KPNA7: variants seen among roughly 807,000 people sequenced by gnomAD.
The protein encoded by KPNA7 is karyopherin subunit alpha 7.
Under a neutral mutation model 53.7 loss-of-function variants are expected in KPNA7, and 54 were observed. The observed-to-expected ratio is 1.01, with a 90% CI of 0.81 to 1.26. KPNA7 has a LOEUF of 1.26. KPNA7 is among the 50% of genes most tolerant of loss of function. The pLI is 0.00. For missense variants in KPNA7, 640 were observed against 644.5 expected (o/e 0.99, Z 0.07); for synonymous variants, 276 against 259.3 (o/e 1.06, Z -0.62).
At chr7:99,157,458 C>A in the KPNA7 span, among the ~76,000 whole-genome samples, 1 of 152,212 alleles carries the variant, frequency 6.6e-6, no homozygotes, top group Non-Finnish European at 1.5e-5. Flanking sequence ...ATCCACCTGC[C>A]TTGGCCTCTC....
Position 99,178,100 on chromosome 7 carries a change from G to C in KPNA7, c.1318-34C>G, listed in dbSNP as rs751549812. ...AAGTACAAGGGGACATGAGACCCCC[G>C]GCAGGAGCCTTTGGGGGATAGGGAC... is the stretch of plus-strand genomic sequence containing the variant. On this transcript the variant is annotated intron_variant, in intron 9 of 10. Transcript: ENST00000327442. The C allele has an allele frequency of 4.5e-6, 7 of 1,544,760 alleles. No homozygotes were observed. The South Asian group carries it at 6.0e-5, about 13-fold the overall frequency.
rs149967769 is a variant in KPNA7, at chr7:99,201,220, G to C, written c.201+1886C>G. On this transcript the variant is annotated intron_variant, in intron 3 of 10. Transcript: ENST00000327442. Reference sequence around the variant, plus strand: ...GGATGAGGAATGGGGAGTGACTCCTGAATGACTGGAGTTTCTATTTGAGGT... The same window carrying C: ...GGATGAGGAATGGGGAGTGACTCCTCAATGACTGGAGTTTCTATTTGAGGT... Among the ~76,000 whole-genome samples the C allele has an allele frequency of 5.0e-3, 758 of 152,224 alleles. 5 individuals carry two copies. Among genetic ancestry groups the C allele is most frequent in the African/African-American group, 0.017 (707 of 41,530 alleles).
Position 99,208,046 on chromosome 7 carries a change from G to A in KPNA7, c.-42C>T, listed in dbSNP as rs1258186482. On this transcript the variant is annotated 5_prime_UTR_variant, in exon 1 of 11. Coordinates refer to ENST00000327442, the MANE Select transcript of KPNA7 (RefSeq NM_001145715.3). ...GCTCAACCTGGCAGCAAGAACAACA[G>A]TCTGGACTTCTCAGCTCCATGTCCT... Among the ~76,000 whole-genome samples, 2 of 152,072 alleles carry A rather than the reference G, an allele frequency of 1.3e-5. No homozygotes were observed. Among genetic ancestry groups the A allele is most frequent in the Non-Finnish European group, 2.9e-5 (2 of 68,028 alleles).
intron 8 of KPNA7, among the ~76,000 whole-genome samples, chr7:99,182,683 G>A (rs1389797299): frequency 6.6e-6 from 1 of 152,136 alleles, no homozygotes; most frequent in African/African-American, 2.4e-5. Context: ...AAGCCAAGAA[G>A]GCAGGAGACT....
At chr7:99,173,570 C>T (rs1339130617), downstream of KPNA7, 15 of 576,372 alleles carry the variant, frequency 2.6e-5, no homozygotes, top group Middle Eastern at 4.4e-4. Context: ...GATAGAGAAA[C>T]GTGAAAGTGT....
At chr7:99,211,993 A>G (rs982729569), upstream of KPNA7, among the ~76,000 whole-genome samples, 2 of 152,162 alleles carry the variant, frequency 1.3e-5, no homozygotes, top group Non-Finnish European at 2.9e-5. Context: ...CAATGTGGAC[A>G]AAGGGACCTC....
At chr7:99,203,067 A>G (rs10499949) in intron 3 of KPNA7, 39 bp downstream of exon 3, 121,399 of 1,540,086 alleles carry the variant, frequency 0.079, 5,170 homozygotes, top group South Asian at 0.13. Flanking sequence ...TGCTAAGAAC[A>G]TATTTTGCCC....
chr7:99,216,099 C>G (rs528551339), intron 1 of KPNA7, among the ~76,000 whole-genome samples: 68 of 152,230 alleles, frequency 4.5e-4, no homozygotes, highest in Admixed American at 4.2e-3. Flanking sequence ...ACAATCACAG[C>G]TCACTACAGC....
At chr7:99,216,655 A>G (rs1271832350) in intron 1 of KPNA7, among the ~76,000 whole-genome samples, 1 of 152,138 alleles carries the variant, frequency 6.6e-6, no homozygotes, top group African/African-American at 2.4e-5. Context: ...TCCACCTTCC[A>G]GATTCAAGCA....
chr7:99,182,757 G>A (rs973057816), intron 8 of KPNA7, among the ~76,000 whole-genome samples: 1 of 152,092 alleles, frequency 6.6e-6, no homozygotes, highest in African/African-American at 2.4e-5. Flanking sequence ...TCAGGCCACA[G>A]GGAAAAAATG....
At chr7:99,165,202 C>T in the KPNA7 span, among the ~76,000 whole-genome samples, 1,786 of 151,938 alleles carry the variant, frequency 0.012, 34 homozygotes, top group African/African-American at 0.041. Context: ...TTGGAATGGC[C>T]GGGTTCCTGT....
intron 7 of KPNA7, 100 bp downstream of exon 7, chr7:99,188,200 C>CAAAAAAAAAAAAAAAAAAAAAAAAAAAA (rs1789728354): frequency 2.0e-6 from 1 of 493,844 alleles, no homozygotes. Flanking sequence ...AAAAAAAAAG[C>CAAAAAAAAAAAAAAAAAAAAAAAAAAAA]AAAGACCAGG....
At chr7:99,202,080 C>G (rs1790566946) in intron 3 of KPNA7, among the ~76,000 whole-genome samples, 1 of 152,030 alleles carries the variant, frequency 6.6e-6, no homozygotes, top group Non-Finnish European at 1.5e-5. Flanking sequence ...ATGAAGCTAA[C>G]TAGAGATATA....
Position 99,178,037 on chromosome 7 carries a change from G to A in KPNA7, c.1347C>T (p.Asn449=), listed in dbSNP as rs756389890. The change falls in exon 10 of 11, where the codon AAC becomes AAT. Residue 449 remains asparagine, a synonymous_variant. Coordinates refer to ENST00000327442, the MANE Select transcript of KPNA7 (RefSeq NM_001145715.3). ...CAAGTTCTTCTATCAGAAGACACAG[G>A]TTTTCCTTCTCAGACCGTTTCTCTG... ...QAAEKRSEKE[N]LCLLIEELGG... 3 of 1,551,498 alleles carry A rather than the reference G, an allele frequency of 1.9e-6. No homozygotes were observed. The highest frequency in any genetic ancestry group is 1.4e-5 in the African/African-American group (1 of 73,020).
chr7:99,155,795 G>A, the KPNA7 span, among the ~76,000 whole-genome samples: 1 of 151,806 alleles, frequency 6.6e-6, no homozygotes. Context: ...AACCTCCTGG[G>A]CTCCAGCAGT....
At chr7:99,217,189 G>A (rs1791238336) in intron 1 of KPNA7, among the ~76,000 whole-genome samples, 1 of 152,294 alleles carries the variant, frequency 6.6e-6, no homozygotes, top group East Asian at 1.9e-4. Flanking sequence ...CCTCCACCAA[G>A]TTAACCTTTA....
chr7:99,178,805 A>AAG (rs1799029959), intron 9 of KPNA7, among the ~76,000 whole-genome samples: 3 of 106,966 alleles, frequency 2.8e-5, no homozygotes, highest in Non-Finnish European at 5.5e-5. Flanking sequence ...AAAAAAAAAA[A>AAG]AGAGTCTCGC....
At chr7:99,211,138 G>A (rs918340835), upstream of KPNA7, among the ~76,000 whole-genome samples, 1 of 152,166 alleles carries the variant, frequency 6.6e-6, no homozygotes, top group African/African-American at 2.4e-5. Flanking sequence ...ATTTAGAGCT[G>A]GCTGGGCACA....
chr7:99,209,700 A>G (rs1044414052), upstream of KPNA7, among the ~76,000 whole-genome samples: 35 of 148,102 alleles, frequency 2.4e-4, no homozygotes, highest in Admixed American at 1.7e-3. Flanking sequence ...AAAAAAAAAA[A>G]AAAAAAAAAA....
Sources: allele counts gnomAD v4.1 joint callset (sites outside exome capture counted in the v4.1 genomes callset), GRCh38; gene constraint gnomAD v4.1.1; transcripts MANE v1.5; gene names NCBI Gene and HGNC (gene_info 2026-07-23, HGNC 2026-07-21).